The following NRG3 variants were observed in gnomAD, a reference collection of about 807,000 sequenced individuals.
NRG3 encodes neuregulin 3.
Under a neutral mutation model 66.9 loss-of-function variants are expected in NRG3, and 31 were observed. The ratio of observed to expected loss-of-function variants is 0.46; its 90% CI spans 0.35 to 0.63. The LOEUF is 0.63. Among genes scored for constraint, NRG3 ranks in the 20% least tolerant of loss-of-function variants. The pLI is 0.00. For missense variants in NRG3, 910 were observed against 878.9 expected (o/e 1.04, Z -0.45); for synonymous variants, 393 against 359.4 (o/e 1.09, Z -1.06).
chr10:82,773,370 A>AT (rs2059786464), intron 3 of NRG3, among the ~76,000 whole-genome samples: 2 of 152,146 alleles, frequency 1.3e-5, no homozygotes, highest in South Asian at 4.1e-4. Context: ...AATGTTGGGC[A>AT]TTGTTATGTC....
intron 3 of NRG3, among the ~76,000 whole-genome samples, chr10:82,748,288 A>G (rs1230330854): frequency 6.6e-6 from 1 of 151,634 alleles, no homozygotes; most frequent in African/African-American, 2.4e-5. Flanking sequence ...CCAATATATG[A>G]TATTAAATAC....
chr10:82,655,936 C>T (rs1233432753), intron 2 of NRG3, among the ~76,000 whole-genome samples: 2 of 152,058 alleles, frequency 1.3e-5, no homozygotes, highest in African/African-American at 4.8e-5. Context: ...CACATATGAC[C>T]TTGTATTAGT....
At chr10:82,539,674 C>T (rs562497900) in intron 2 of NRG3, among the ~76,000 whole-genome samples, 1 of 152,056 alleles carries the variant, frequency 6.6e-6, no homozygotes, top group African/African-American at 2.4e-5. Context: ...CGCTTTGTCC[C>T]CCAGGCTGGA....
intron 3 of NRG3, among the ~76,000 whole-genome samples, chr10:82,842,650 A>G (rs1307978125): frequency 6.6e-6 from 1 of 152,184 alleles, no homozygotes; most frequent in Non-Finnish European, 1.5e-5. Flanking sequence ...CTGCTAATTC[A>G]TGAGGGACAT....
intron 2 of NRG3, among the ~76,000 whole-genome samples, chr10:82,532,069 C>A (rs1479064910): frequency 6.6e-6 from 1 of 151,786 alleles, no homozygotes; most frequent in African/African-American, 2.4e-5. Flanking sequence ...TATAAGGATA[C>A]AATGGGCAAG....
intron 1 of NRG3, among the ~76,000 whole-genome samples, chr10:82,312,699 A>G (rs1004464751): frequency 1.3e-5 from 2 of 152,244 alleles, no homozygotes; most frequent in African/African-American, 4.8e-5. Flanking sequence ...CAAAAGATCA[A>G]AAACGAAAAA....
chr10:82,522,610 G>T (rs529349934), intron 2 of NRG3, among the ~76,000 whole-genome samples: 2 of 151,914 alleles, frequency 1.3e-5, no homozygotes, highest in African/African-American at 4.8e-5. Flanking sequence ...CACAGTACAC[G>T]TGCTCAATAC....
At chr10:82,611,202 T>C (rs1419790710) in intron 2 of NRG3, among the ~76,000 whole-genome samples, 5 of 152,076 alleles carry the variant, frequency 3.3e-5, no homozygotes, top group African/African-American at 1.2e-4. Flanking sequence ...TAGATTGCAA[T>C]GAGTTTTCAT....
At chr10:82,920,842 T>A (rs900880618) in intron 4 of NRG3, among the ~76,000 whole-genome samples, 1 of 152,162 alleles carries the variant, frequency 6.6e-6, no homozygotes, top group South Asian at 2.1e-4. Flanking sequence ...TAACCCAGTG[T>A]ATTAAATGGA....
At chr10:82,397,487 G>A (rs369428960) in intron 2 of NRG3, among the ~76,000 whole-genome samples, 1 of 152,272 alleles carries the variant, frequency 6.6e-6, no homozygotes, top group Admixed American at 6.5e-5. Context: ...GAGCCAATTA[G>A]GAAGAAATGA....
chr10:82,171,881 A>T (rs577936668), intron 1 of NRG3, among the ~76,000 whole-genome samples: 1 of 152,262 alleles, frequency 6.6e-6, no homozygotes, highest in South Asian at 2.1e-4. Context: ...ATATCTTATA[A>T]GATCTTAGTA....
At chr10:82,424,556 A>G (rs2348091) in intron 2 of NRG3, among the ~76,000 whole-genome samples, 5 of 152,086 alleles carry the variant, frequency 3.3e-5, no homozygotes, top group Non-Finnish European at 5.9e-5. Flanking sequence ...TTTGAGGCAT[A>G]TGACATCCAA....
chr10:81,991,650 T>G (rs918958348), intron 1 of NRG3, among the ~76,000 whole-genome samples: 1 of 152,166 alleles, frequency 6.6e-6, no homozygotes. Context: ...GATGAGATTT[T>G]TTTTAAAAAT....
At chr10:82,968,875 C>G (rs746644309) in intron 6 of NRG3, among the ~76,000 whole-genome samples, 11 of 152,174 alleles carry the variant, frequency 7.2e-5, no homozygotes, top group Admixed American at 4.6e-4. Flanking sequence ...TTTCATATGG[C>G]TGGTGAGGCC....
intron 2 of NRG3, among the ~76,000 whole-genome samples, chr10:82,588,956 A>G (rs1019413291): frequency 5.9e-5 from 9 of 152,030 alleles, no homozygotes; most frequent in Admixed American, 1.3e-4. Context: ...GCTGTCTCAT[A>G]TTTGGTTATA....
At chr10:82,847,294 G>A (rs1564562238) in intron 3 of NRG3, among the ~76,000 whole-genome samples, 1 of 152,294 alleles carries the variant, frequency 6.6e-6, no homozygotes, top group East Asian at 1.9e-4. Flanking sequence ...GTACAAAGAA[G>A]GCTGCAAAAT....
intron 4 of NRG3, among the ~76,000 whole-genome samples, chr10:82,907,414 C>A (rs955203128): frequency 6.6e-6 from 1 of 152,134 alleles, no homozygotes; most frequent in Non-Finnish European, 1.5e-5. Context: ...ATCATGGATT[C>A]TATTGTAGTC....
chr10:82,979,138 A>G lies in NRG3; in HGVS notation c.1583+18A>G, dbSNP rs975140410. 2 of 1,612,572 alleles carry G rather than the reference A, an allele frequency of 1.2e-6. No homozygotes were observed. Among genetic ancestry groups the G allele is most frequent in the Admixed American group, 1.7e-5 (1 of 59,930 alleles). ...TGCCAAGGGTAGGTCTTAAAACAGCAGTGGAATTTAGGGAGGGTGTCTTTA... is the reference window on the plus strand; with the variant it reads ...TGCCAAGGGTAGGTCTTAAAACAGCGGTGGAATTTAGGGAGGGTGTCTTTA... On this transcript the variant is annotated intron_variant, in intron 8 of 8. Transcript: ENST00000372141.
At chr10:82,951,631 T>G (rs1287438291) in intron 5 of NRG3, 60 bp downstream of exon 5, 1 of 1,422,136 alleles carries the variant, frequency 7.0e-7, no homozygotes, top group Non-Finnish European at 9.9e-7. Context: ...TTTGTGTTAC[T>G]TTAAGTTCTC....
Sources: gnomAD v4.1 joint callset for allele counts (sites outside exome capture counted in the v4.1 genomes callset) on GRCh38, gnomAD v4.1.1 for gene constraint, MANE v1.5 for transcripts, NCBI Gene and HGNC (gene_info 2026-07-23, HGNC 2026-07-21) for gene names.